The following CCSER1 variants were observed in gnomAD, a reference collection of about 807,000 sequenced individuals.
The protein encoded by CCSER1 is coiled-coil serine rich protein 1.
Under a neutral mutation model 82.0 loss-of-function variants are expected in CCSER1, and 41 were observed. That is an observed-to-expected ratio of 0.50 (90% confidence interval 0.39 to 0.65). The LOEUF is 0.65. Ranked by LOEUF, CCSER1 falls within the 30% of genes least tolerant of loss-of-function variation. The probability of loss-of-function intolerance (pLI) is 0.00; values close to 1 mark genes in which losing one functional copy is unlikely to be tolerated. For synonymous variants in CCSER1, 414 were observed against 383.9 expected, an observed-to-expected ratio of 1.08 and a Z score of -0.92; for missense variants, 1,119 against 1,064.2, an observed-to-expected ratio of 1.05 and a Z score of -0.72.
chr4:91,067,810 G>A (rs1427050474), intron 9 of CCSER1, among the ~76,000 whole-genome samples: 1 of 152,166 alleles, frequency 6.6e-6, no homozygotes, highest in East Asian at 1.9e-4. Context: ...AATACCTTTT[G>A]TAATGAGTTA....
At chr4:91,250,099 C>T (rs1740138503) in intron 10 of CCSER1, among the ~76,000 whole-genome samples, 2 of 152,042 alleles carry the variant, frequency 1.3e-5, no homozygotes. Context: ...ATGTCCTTCA[C>T]CGGCTCCTGA....
chr4:91,466,699 A>G (rs182186445), intron 10 of CCSER1, among the ~76,000 whole-genome samples: 291 of 152,310 alleles, frequency 1.9e-3, no homozygotes, highest in Admixed American at 3.2e-3. Flanking sequence ...AAGCATTCCT[A>G]TACACCAATA....
rs766257489 is a variant in CCSER1, at chr4:90,485,518, A to ACC, written c.1724+17175_1724+17176dup. ...GTTCCTATTCGGCCATCTTGGCTCC[A>ACC]CCCCCCCCCCCCAATTTAACTTTTA... On this transcript the variant is annotated intron_variant, in intron 5 of 10. Transcript: ENST00000509176. Among the ~76,000 whole-genome samples the ACC allele has an allele frequency of 5.4e-4, 51 of 93,810 alleles. No individual in the cohort carries two copies. The South Asian group carries it at 7.7e-3, about 14-fold the overall frequency. The allele number at this position is 93,810 out of a possible 152,430, so 61.5% of individuals were successfully genotyped here. A position where few individuals can be genotyped will look rare whatever the true frequency, so the allele number is the denominator to read the frequency against.
At chr4:90,635,155 C>T (rs1725191809) in intron 6 of CCSER1, among the ~76,000 whole-genome samples, 1 of 151,766 alleles carries the variant, frequency 6.6e-6, no homozygotes, top group East Asian at 1.9e-4. Flanking sequence ...ATTGATAAAG[C>T]AACTAAATGA....
At chr4:91,080,538 C>T (rs1468159190) in intron 9 of CCSER1, among the ~76,000 whole-genome samples, 6 of 152,078 alleles carry the variant, frequency 3.9e-5, no homozygotes, top group African/African-American at 1.4e-4. Context: ...CATTCAAAAG[C>T]TAGCAGAAGG....
chr4:90,424,901 C>T (rs1008830804), intron 4 of CCSER1, among the ~76,000 whole-genome samples: 3 of 152,220 alleles, frequency 2.0e-5, no homozygotes, highest in African/African-American at 7.2e-5. Context: ...AACATCAGTG[C>T]TGACTTCAAA....
At chr4:90,721,733 A>G (rs988017884) in intron 6 of CCSER1, among the ~76,000 whole-genome samples, 33 of 151,784 alleles carry the variant, frequency 2.2e-4, no homozygotes, top group African/African-American at 7.2e-4. Flanking sequence ...ATCTAAAAGA[A>G]TAAGCAAATT....
At chr4:90,345,800 A>T (rs757739636) in intron 3 of CCSER1, among the ~76,000 whole-genome samples, 1 of 152,100 alleles carries the variant, frequency 6.6e-6, no homozygotes, top group Non-Finnish European at 1.5e-5. Flanking sequence ...CTTCTAAACC[A>T]TATTTTAGAG....
intron 5 of CCSER1, among the ~76,000 whole-genome samples, chr4:90,567,616 T>G (rs527664689): frequency 0.014 from 1,869 of 136,360 alleles, 56 homozygotes; most frequent in African/African-American, 0.063. Flanking sequence ...ATGATTTTTT[T>G]TTTTTTTTTG....
chr4:91,161,018 G>C (rs919034733), intron 10 of CCSER1, among the ~76,000 whole-genome samples: 6 of 152,060 alleles, frequency 3.9e-5, no homozygotes, highest in Non-Finnish European at 8.8e-5. Context: ...TTTTCTTCTA[G>C]GGTTTTTATG....
At chr4:90,340,755 A>G (rs1741236707) in intron 3 of CCSER1, among the ~76,000 whole-genome samples, 1 of 152,080 alleles carries the variant, frequency 6.6e-6, no homozygotes, top group Non-Finnish European at 1.5e-5. Flanking sequence ...AGTCTTTGAA[A>G]TGCTAATTTC....
chr4:90,807,317 T>C (rs894779825), intron 7 of CCSER1, among the ~76,000 whole-genome samples: 1 of 152,144 alleles, frequency 6.6e-6, no homozygotes, highest in Non-Finnish European at 1.5e-5. Context: ...GTATAAGTAT[T>C]AAAAATGAGT....
chr4:90,143,128 T>G (rs1006279243), intron 1 of CCSER1, among the ~76,000 whole-genome samples: 1 of 152,110 alleles, frequency 6.6e-6, no homozygotes, highest in Non-Finnish European at 1.5e-5. Flanking sequence ...AATTCTTGGC[T>G]CATTTGAAGG....
At chr4:91,358,908 C>T (rs1222478666) in intron 10 of CCSER1, among the ~76,000 whole-genome samples, 2 of 152,108 alleles carry the variant, frequency 1.3e-5, no homozygotes, top group Non-Finnish European at 2.9e-5. Context: ...AAGGGGCTGC[C>T]TCAGCTATCC....
intron 1 of CCSER1, among the ~76,000 whole-genome samples, chr4:90,259,691 C>A (rs1723965104): frequency 6.6e-6 from 1 of 152,120 alleles, no homozygotes; most frequent in African/African-American, 2.4e-5. Flanking sequence ...TTACCAAGTG[C>A]TTTTCCCTTA....
At chr4:90,662,362 A>G (rs1454947937) in intron 6 of CCSER1, among the ~76,000 whole-genome samples, 1 of 151,974 alleles carries the variant, frequency 6.6e-6, no homozygotes, top group Non-Finnish European at 1.5e-5. Flanking sequence ...ATGTTCTGAT[A>G]TAGGGTCTGC....
intron 1 of CCSER1, among the ~76,000 whole-genome samples, chr4:90,213,203 A>G (rs1740361603): frequency 6.6e-6 from 1 of 152,182 alleles, no homozygotes; most frequent in Non-Finnish European, 1.5e-5. Flanking sequence ...AGAGAGAGTC[A>G]TAAGGAATTG....
intron 10 of CCSER1, among the ~76,000 whole-genome samples, chr4:91,471,270 G>C (rs750374914): frequency 6.6e-6 from 1 of 152,128 alleles, no homozygotes; most frequent in Non-Finnish European, 1.5e-5. Flanking sequence ...GAACACTATG[G>C]AGAAATTAGG....
intron 5 of CCSER1, among the ~76,000 whole-genome samples, chr4:90,604,400 C>A (rs1784375521): frequency 6.6e-6 from 1 of 152,098 alleles, no homozygotes; most frequent in African/African-American, 2.4e-5. Flanking sequence ...CCATGTTCAC[C>A]ATTTATTATC....
Sources: allele counts gnomAD v4.1 joint callset (sites outside exome capture counted in the v4.1 genomes callset), GRCh38; gene constraint gnomAD v4.1.1; transcripts MANE v1.5; gene names NCBI Gene and HGNC (gene_info 2026-07-23, HGNC 2026-07-21).